RIT2: variants seen among roughly 807,000 people sequenced by gnomAD.
The protein encoded by RIT2 is GTP-binding protein Rit2.
A neutral mutation model predicts 23.7 loss-of-function variants in RIT2; 24 were observed. The ratio of observed to expected loss-of-function variants is 1.01; its 90% confidence interval spans 0.73 to 1.43. The LOEUF is 1.43. RIT2 is among the 40% of genes most tolerant of loss of function. The probability of loss-of-function intolerance (pLI) is 0.00; values close to 1 mark genes in which losing one functional copy is unlikely to be tolerated. For missense variants in RIT2, 236 were observed against 266.9 expected, an observed-to-expected ratio of 0.88 and a Z score of 0.81; for synonymous variants, 107 against 91.1, an observed-to-expected ratio of 1.17 and a Z score of -0.99.
intron 4 of RIT2, among the ~76,000 whole-genome samples, chr18:42,816,412 T>C (rs1906000125): frequency 6.6e-6 from 1 of 152,128 alleles, no homozygotes. Flanking sequence ...ACCATCATGC[T>C]CAAATAGTAT....
chr18:42,744,366 C>T (rs2143871488), intron 4 of RIT2, among the ~76,000 whole-genome samples: 1 of 152,156 alleles, frequency 6.6e-6, no homozygotes, highest in South Asian at 2.1e-4. Flanking sequence ...AGAGAGAATC[C>T]TAGAATTTTA....
intron 4 of RIT2, among the ~76,000 whole-genome samples, chr18:42,837,365 C>T (rs915997826): frequency 1.3e-5 from 2 of 151,412 alleles, no homozygotes; most frequent in Non-Finnish European, 2.9e-5. Flanking sequence ...GATGAGGTTT[C>T]ATCTTGTTAG....
At chr18:42,774,470 C>G (rs1263539529) in intron 4 of RIT2, among the ~76,000 whole-genome samples, 1 of 151,934 alleles carries the variant, frequency 6.6e-6, no homozygotes, top group African/African-American at 2.4e-5. Flanking sequence ...CTATGAAAGA[C>G]CTGTCCTCAG....
intron 1 of RIT2, among the ~76,000 whole-genome samples, chr18:43,067,845 G>A (rs1324183086): frequency 6.6e-6 from 1 of 152,094 alleles, no homozygotes; most frequent in Non-Finnish European, 1.5e-5. Context: ...CAATCTTTCA[G>A]GTTAACTTTG....
At chr18:42,940,269 T>TATATATATATATGC (rs1555648056) in intron 3 of RIT2, among the ~76,000 whole-genome samples, 41 of 137,984 alleles carry the variant, frequency 3.0e-4, no homozygotes, top group African/African-American at 1.1e-3. Flanking sequence ...TATATATATA[T>TATATATATATATGC]GCACACACAC....
intron 1 of RIT2, among the ~76,000 whole-genome samples, chr18:43,071,284 G>A (rs912927617): frequency 3.9e-5 from 6 of 152,086 alleles, no homozygotes; most frequent in Admixed American, 3.9e-4. Flanking sequence ...ACTCTGAATT[G>A]CTAGAATCCG....
intron 3 of RIT2, among the ~76,000 whole-genome samples, chr18:42,949,899 A>G (rs1374029485): frequency 6.6e-6 from 1 of 152,130 alleles, no homozygotes; most frequent in Non-Finnish European, 1.5e-5. Context: ...TTATGTACAC[A>G]AGAAAGAAAG....
intron 4 of RIT2, chr18:42,923,239 G>T: frequency 5.2e-6 from 1 of 193,378 alleles, no homozygotes; most frequent in African/African-American, 2.3e-5. Context: ...TGAACTCAAG[G>T]GTAAGCAGTT....
intron 4 of RIT2, among the ~76,000 whole-genome samples, chr18:42,747,715 G>C (rs559553209): frequency 3.3e-5 from 5 of 151,994 alleles, no homozygotes; most frequent in Non-Finnish European, 7.4e-5. Flanking sequence ...ATAGAATAGA[G>C]AACCCAGAAA....
chr18:42,817,889 C>T (rs73486758), intron 4 of RIT2, among the ~76,000 whole-genome samples: 2 of 151,860 alleles, frequency 1.3e-5, no homozygotes, highest in African/African-American at 4.8e-5. Flanking sequence ...AATGAGTAGA[C>T]ATTTGGAGTA....
At chr18:43,066,558 G>A (rs1912775166) in intron 1 of RIT2, among the ~76,000 whole-genome samples, 1 of 152,156 alleles carries the variant, frequency 6.6e-6, no homozygotes, top group South Asian at 2.1e-4. Flanking sequence ...GTTTCACCTA[G>A]GTGATAGGTG....
chr18:42,943,430 C>T (rs893009395), intron 3 of RIT2, among the ~76,000 whole-genome samples: 13 of 152,062 alleles, frequency 8.5e-5, no homozygotes, highest in Non-Finnish European at 1.9e-4. Context: ...GGAAGTCCCG[C>T]TGACTTCACC....
chr18:42,997,830 T>C (rs1911021125), intron 2 of RIT2, among the ~76,000 whole-genome samples: 1 of 152,132 alleles, frequency 6.6e-6, no homozygotes, highest in South Asian at 2.1e-4. Flanking sequence ...GCAAGAGACA[T>C]TCAAATAATA....
intron 4 of RIT2, among the ~76,000 whole-genome samples, chr18:42,758,492 T>TTG (rs1913218853): frequency 1.3e-5 from 2 of 151,480 alleles, no homozygotes; most frequent in Non-Finnish European, 2.9e-5. Context: ...TAATCCTTTT[T>TTG]TTTTTTGATA....
intron 2 of RIT2, among the ~76,000 whole-genome samples, chr18:43,018,800 C>T (rs887449112): frequency 2.8e-4 from 43 of 151,952 alleles, no homozygotes; most frequent in African/African-American, 1.0e-3. Context: ...GCAAGAAATG[C>T]TAAGGGAGTT....
intron 3 of RIT2, among the ~76,000 whole-genome samples, chr18:42,949,424 A>G (rs532977164): frequency 4.6e-5 from 7 of 152,244 alleles, no homozygotes; most frequent in Non-Finnish European, 7.4e-5. Flanking sequence ...AATGAGGAAC[A>G]TTACATAAAT....
intron 4 of RIT2, among the ~76,000 whole-genome samples, chr18:42,914,405 A>C (rs1352988090): frequency 6.6e-6 from 1 of 152,100 alleles, no homozygotes; most frequent in Non-Finnish European, 1.5e-5. Flanking sequence ...TGTCCCTGAA[A>C]GGGTGAATAA....
chr18:43,053,693 T>C (rs1423151986), intron 1 of RIT2, among the ~76,000 whole-genome samples: 1 of 152,076 alleles, frequency 6.6e-6, no homozygotes, highest in African/African-American at 2.4e-5. Flanking sequence ...AAATGTTAGG[T>C]GTTTTAAAAG....
At chr18:42,777,972 G>A (rs1289113487) in intron 4 of RIT2, among the ~76,000 whole-genome samples, 2 of 152,086 alleles carry the variant, frequency 1.3e-5, no homozygotes, top group Non-Finnish European at 2.9e-5. Flanking sequence ...CTCCAATTTG[G>A]CACATCATTT....
Sources: allele counts gnomAD v4.1 joint callset (sites outside exome capture counted in the v4.1 genomes callset), GRCh38; gene constraint gnomAD v4.1.1; transcripts MANE v1.5; gene names NCBI Gene and HGNC (gene_info 2026-07-23, HGNC 2026-07-21).